Variants in ZNF652 observed in about 807,000 individuals in gnomAD.
ZNF652 encodes zinc finger protein 652.
ZNF652 carries 16 observed loss-of-function variants against 45.2 expected under a neutral mutation model. That is an observed-to-expected ratio of 0.35 (90% CI 0.24 to 0.54). The LOEUF (loss-of-function observed/expected upper bound fraction) is 0.54. ZNF652 is among the 20% of genes least tolerant of loss of function. The pLI is 0.91. For missense variants in ZNF652, 614 were observed against 765.6 expected (o/e 0.80, Z 2.34); for synonymous variants, 250 against 260.6 (o/e 0.96, Z 0.39).
chr17:49,311,501 C>T (rs1422061145), intron 4 of ZNF652, 45 bp from the exon 5 acceptor site: 2 of 1,592,284 alleles, frequency 1.3e-6, no homozygotes, highest in African/African-American at 2.7e-5. Context: ...AGCATAGTAG[C>T]TTTACCTGAG....
intron 1 of ZNF652, among the ~76,000 whole-genome samples, chr17:49,341,213 C>A (rs2143882495): frequency 6.6e-6 from 1 of 151,382 alleles, no homozygotes; most frequent in Middle Eastern, 3.4e-3. Flanking sequence ...GCGAGACTGT[C>A]TCAAAAAGAA....
In ZNF652 at chr17:49,339,155, C is replaced by T. The variant is rs184784436; in HGVS notation, c.-258-21172G>A. Reference sequence around the variant, plus strand: ...GGGGAATGGAAGCTGAGGAACAGAGCTAGAGTAGAACTCAAAACAAAGAAA... The same window carrying T: ...GGGGAATGGAAGCTGAGGAACAGAGTTAGAGTAGAACTCAAAACAAAGAAA... On this transcript the variant is annotated intron_variant, in intron 1 of 5. Transcript: ENST00000430262. Among the ~76,000 whole-genome samples, 325 of 149,270 alleles carry T rather than the reference C, an allele frequency of 2.2e-3. 1 individual carries two copies. Among genetic ancestry groups the T allele is most frequent in the African/African-American group, 7.3e-3 (296 of 40,498 alleles).
intron 1 of ZNF652, among the ~76,000 whole-genome samples, chr17:49,325,630 C>A (rs2143831959): frequency 6.7e-6 from 1 of 150,032 alleles, no homozygotes; most frequent in South Asian, 2.1e-4. Context: ...TCAGCCTGGG[C>A]AACATGGTGA....
chr17:49,317,168 G>A lies in ZNF652; in HGVS notation c.558C>T (p.Ser186=), dbSNP rs761260507. Residue 186 remains serine, a synonymous_variant, in exon 2 of 6, where the codon AGC becomes AGT. Coordinates refer to ENST00000430262, the MANE Select transcript of ZNF652 (RefSeq NM_001145365.3). ...KKKEKIVEKV[S]VTQRRTRRAA... is the part of the protein sequence containing the mutation. ...CTCTCCTGGTTCTCCTTTGTGTAAC[G>A]CTGACTTTCTCTACTATCTTCTCCT... is the stretch of plus-strand genomic sequence containing the variant. The A allele has an allele frequency of 5.6e-6, 9 of 1,613,778 alleles. No individual in the cohort carries two copies. The South Asian group carries it at 9.9e-5, about 18-fold the overall frequency.
intron 1 of ZNF652, among the ~76,000 whole-genome samples, chr17:49,339,310 CTTTT>C (rs36110074): frequency 1.5e-3 from 169 of 110,950 alleles, no homozygotes; most frequent in African/African-American, 5.0e-3. Context: ...TCAAGTGATT[CTTTT>C]TTTTTTTTTT....
chr17:49,312,617 T>C (rs776621098), intron 3 of ZNF652, 81 bp downstream of exon 3: 1 of 1,471,804 alleles, frequency 6.8e-7, no homozygotes, highest in East Asian at 2.3e-5. Flanking sequence ...CAATTCCTCA[T>C]ATCCTGCCCA....
At chr17:49,313,687 T>G (rs932804608) in intron 2 of ZNF652, among the ~76,000 whole-genome samples, 15 of 151,850 alleles carry the variant, frequency 9.9e-5, no homozygotes, top group African/African-American at 3.6e-4. Flanking sequence ...GAAAATGCAT[T>G]TGGAGCCAGG....
At chr17:49,359,023 T>C (rs1377149396) in intron 1 of ZNF652, among the ~76,000 whole-genome samples, 2 of 152,222 alleles carry the variant, frequency 1.3e-5, no homozygotes, top group African/African-American at 4.8e-5. Context: ...ATATGTTATA[T>C]GATCAGCTGC....
chr17:49,313,785 C>G lies in ZNF652; in HGVS notation c.901-940G>C, dbSNP rs528474898. On this transcript the variant is annotated intron_variant, in intron 2 of 5. Coordinates refer to ENST00000430262, the MANE Select transcript of ZNF652 (RefSeq NM_001145365.3). ...GTCAGGAGTTCGAGACCAGCCTGAC[C>G]AACATGGAGAAACCCCATCTCTACT... Among the ~76,000 whole-genome samples the G allele has an allele frequency of 4.0e-5, 6 of 151,216 alleles. No individual in the cohort carries two copies. The South Asian group carries it at 6.3e-4, about 16-fold the overall frequency.
intron 1 of ZNF652, among the ~76,000 whole-genome samples, chr17:49,318,339 G>A (rs2069840284): frequency 6.6e-6 from 1 of 152,144 alleles, no homozygotes; most frequent in African/African-American, 2.4e-5. Flanking sequence ...GGCTCCCAAA[G>A]TGCTGGGATT....
intron 1 of ZNF652, among the ~76,000 whole-genome samples, chr17:49,329,371 G>C (rs116844163): frequency 2.6e-5 from 4 of 152,116 alleles, no homozygotes; most frequent in African/African-American, 9.7e-5. Flanking sequence ...CAGTATCAAC[G>C]CATATTTATA....
Position 49,298,512 on chromosome 17 carries a change from T to C in ZNF652, c.1722A>G (p.Pro574=), listed in dbSNP as rs1445618771. The change falls in exon 6 of 6, where the codon CCA becomes CCG. Residue 574 remains proline, a synonymous_variant. Transcript: ENST00000430262. ...IPPVPHLPPP[P]ALFKSEPLNH... ...TTAAAGGCTCACTCTTAAAGAGAGC[T>C]GGAGGTGGCGGGAGGTGAGGGACTG... The C allele has an allele frequency of 6.2e-7, 1 of 1,609,998 alleles. No homozygotes were observed. The highest frequency in any genetic ancestry group is 1.7e-5 in the Admixed American group (1 of 59,564).
intron 1 of ZNF652, among the ~76,000 whole-genome samples, chr17:49,358,864 G>C (rs145946352): frequency 1.2e-4 from 18 of 152,300 alleles, no homozygotes; most frequent in Non-Finnish European, 2.1e-4. Context: ...GTCTGAAGAA[G>C]AGTGTTGGAG....
chr17:49,355,335 A>C (rs1334436100), intron 1 of ZNF652, among the ~76,000 whole-genome samples: 3 of 152,188 alleles, frequency 2.0e-5, no homozygotes, highest in Non-Finnish European at 4.4e-5. Flanking sequence ...CTGTATTCCC[A>C]GCACTTTGGG....
intron 1 of ZNF652, among the ~76,000 whole-genome samples, chr17:49,323,262 C>T (rs1419173450): frequency 1.3e-5 from 2 of 152,204 alleles, no homozygotes; most frequent in Non-Finnish European, 2.9e-5. Context: ...AACATCTCCA[C>T]CAGGAGTAGA....
chr17:49,341,854 C>A (rs1187181398), intron 1 of ZNF652, among the ~76,000 whole-genome samples: 1 of 152,072 alleles, frequency 6.6e-6, no homozygotes, highest in Non-Finnish European at 1.5e-5. Flanking sequence ...ATGAAACCAT[C>A]TGGAATATCC....
rs1451079607 is a variant in ZNF652, at chr17:49,294,865, A to G, written c.*3548T>C. On this transcript the variant is annotated 3_prime_UTR_variant, in exon 6 of 6. Coordinates refer to ENST00000430262, the MANE Select transcript of ZNF652 (RefSeq NM_001145365.3). ...AAGGGCTGAGAACTCAAACTTCTCCATAATTCTTTTTTTCATAAACAGATA... is the reference window on the plus strand; with the variant it reads ...AAGGGCTGAGAACTCAAACTTCTCCGTAATTCTTTTTTTCATAAACAGATA... 6.6e-6 allele frequency: 1 copy of G among 152,196 alleles called. No homozygotes were observed. Among genetic ancestry groups the G allele is most frequent in the Non-Finnish European group, 1.5e-5 (1 of 68,022 alleles). 9.4% of individuals were successfully genotyped at this position (152,196 alleles called of 1,614,324 possible).
In ZNF652 at chr17:49,337,013, C is replaced by T. The variant is rs1172825892; in HGVS notation, c.-258-19030G>A. ...GTGAAATAAAATCTGGTAACAATGC[C>T]ACAACTGTTACATTTTAACACAACT... is the stretch of plus-strand genomic sequence containing the variant. On this transcript the variant is annotated intron_variant, in intron 1 of 5. Coordinates refer to ENST00000430262, the MANE Select transcript of ZNF652 (RefSeq NM_001145365.3). Among the ~76,000 whole-genome samples the T allele has an allele frequency of 2.2e-5, 3 of 138,732 alleles. No homozygotes were observed. The Admixed American group carries it at 2.3e-4, about 11-fold the overall frequency. 91.0% of individuals were successfully genotyped at this position (138,732 alleles called of 152,430 possible).
At chr17:49,358,480 G>A (rs555518359) in intron 1 of ZNF652, among the ~76,000 whole-genome samples, 2 of 151,850 alleles carry the variant, frequency 1.3e-5, no homozygotes, top group African/African-American at 4.8e-5. Context: ...ACTTTTTTTT[G>A]TTGTTGTCTC....
Sources: gnomAD v4.1 joint callset for allele counts (sites outside exome capture counted in the v4.1 genomes callset) on GRCh38, gnomAD v4.1.1 for gene constraint, MANE v1.5 for transcripts, NCBI Gene and HGNC (gene_info 2026-07-23, HGNC 2026-07-21) for gene names.